Variants in DOCK5 observed in about 807,000 individuals in gnomAD.
DOCK5 encodes the protein dedicator of cytokinesis 5, also known as dedicator of cytokinesis protein 5.
DOCK5 carries 142 observed loss-of-function variants against 251.8 expected under a neutral mutation model. That is an observed-to-expected ratio of 0.56 (90% CI 0.49 to 0.65). The LOEUF (loss-of-function observed/expected upper bound fraction) is 0.65, where lower values mean the gene tolerates loss of function less well. DOCK5 is among the 30% of genes least tolerant of loss of function. The pLI, the probability that DOCK5 is intolerant of heterozygous loss-of-function variation, is 0.00. For missense variants in DOCK5, 2,111 were observed against 2,312.3 expected (o/e 0.91, Z 1.79); for synonymous variants, 842 against 835.5 (o/e 1.01, Z -0.13).
chr8:25,304,246 T>G lies in DOCK5; in HGVS notation c.977-9T>G. On this transcript the variant is annotated splice_polypyrimidine_tract_variant and intron_variant, in intron 10 of 51. Coordinates refer to ENST00000276440, the MANE Select transcript of DOCK5 (RefSeq NM_024940.8). ...TTAGTTTCTTTAATGAAGTTTATCT[T>G]TTTCCTAGTGATGGATATTACTGAT... The G allele has an allele frequency of 6.3e-7, 1 of 1,591,866 alleles. No individual in the cohort carries two copies.
intron 2 of DOCK5, among the ~76,000 whole-genome samples, chr8:25,264,679 A>G (rs1803690105): frequency 6.6e-6 from 1 of 151,472 alleles, no homozygotes; most frequent in Non-Finnish European, 1.5e-5. Flanking sequence ...TACAAAAAAT[A>G]AGCTAGGCAT....
At chr8:25,306,887 A>G (rs888143126) in intron 11 of DOCK5, among the ~76,000 whole-genome samples, 1 of 152,150 alleles carries the variant, frequency 6.6e-6, no homozygotes, top group Non-Finnish European at 1.5e-5. Context: ...GTGTACTTAC[A>G]CAAACCCGGA....
chr8:25,306,509 A>G (rs1164813809), intron 11 of DOCK5, among the ~76,000 whole-genome samples: 2 of 152,098 alleles, frequency 1.3e-5, no homozygotes, highest in Non-Finnish European at 2.9e-5. Context: ...GATCGAGACC[A>G]CGGTGAAACC....
At position 25,213,176 on chromosome 8, in the gene DOCK5, C is replaced by T. The variant is rs184809694; in HGVS notation, c.43+28225C>T. 3.7e-3 allele frequency among the ~76,000 whole-genome samples: 557 copies of T among 151,850 alleles called. 16 individuals carry two copies. The highest frequency in any genetic ancestry group is 6.7e-3 in the Admixed American group (102 of 15,206). ...CTAATCAAGAGAGAAGTTTCCTGTG[C>T]GTCAGGCCCAGACCTAGGAAACGGG... On this transcript the variant is annotated intron_variant, in intron 1 of 51. Coordinates refer to ENST00000276440, the MANE Select transcript of DOCK5 (RefSeq NM_024940.8).
At chr8:25,409,352 C>G (rs1296740718) in intron 50 of DOCK5, 2 of 203,722 alleles carry the variant, frequency 9.8e-6, no homozygotes, top group Non-Finnish European at 2.0e-5. Flanking sequence ...TGCAAAGTAC[C>G]CATAGTCCAG....
chr8:25,381,802 G>A (rs1446708129), intron 39 of DOCK5, among the ~76,000 whole-genome samples: 1 of 152,040 alleles, frequency 6.6e-6, no homozygotes, highest in Non-Finnish European at 1.5e-5. Context: ...AGCTGTCCAC[G>A]TCTGGCTGGC....
At position 25,184,964 on chromosome 8, in the gene DOCK5, C is replaced by T. The variant is rs760913702; in HGVS notation, c.43+13C>T. The T allele has an allele frequency of 5.0e-6, 7 of 1,388,692 alleles. No individual in the cohort carries two copies. Among genetic ancestry groups the T allele is most frequent in the Non-Finnish European group, 5.7e-6 (6 of 1,060,490 alleles). 86.0% of individuals were successfully genotyped at this position (1,388,692 alleles called of 1,614,324 possible). ...AAGTACGGGGTTGGTGAGTGCGCGC[C>T]CCACCTTGTCCCGGCCCGACCCACG... On this transcript the variant is annotated intron_variant, in intron 1 of 51. Coordinates refer to ENST00000276440, the MANE Select transcript of DOCK5 (RefSeq NM_024940.8).
At chr8:25,410,044 T>G in intron 50 of DOCK5, 55 bp from the exon 51 acceptor site, 2,146 of 1,424,844 alleles carry the variant, frequency 1.5e-3, no homozygotes, top group Non-Finnish European at 1.9e-3. Flanking sequence ...AACATTTCCA[T>G]GAGCTTCCTT....
intron 1 of DOCK5, among the ~76,000 whole-genome samples, chr8:25,222,156 A>C (rs1470482406): frequency 6.6e-6 from 1 of 152,158 alleles, no homozygotes; most frequent in Non-Finnish European, 1.5e-5. Flanking sequence ...CTGCACTGTT[A>C]TTAGATAGAA....
At chr8:25,286,460 C>T (rs1804335469) in intron 5 of DOCK5, among the ~76,000 whole-genome samples, 1 of 152,090 alleles carries the variant, frequency 6.6e-6, no homozygotes, top group South Asian at 2.1e-4. Flanking sequence ...ATGCCCGAAG[C>T]CACATAGCAA....
Position 25,332,640 on chromosome 8 carries a change from T to C in DOCK5, c.2039T>C (p.Met680Thr). 1 of 1,612,700 alleles carries C rather than the reference T, an allele frequency of 6.2e-7. No individual in the cohort carries two copies. Among genetic ancestry groups the C allele is most frequent in the Non-Finnish European group, 8.5e-7 (1 of 1,179,448 alleles). Residue 680 changes from methionine (M) to threonine (T), a missense_variant, in exon 20 of 52, where the codon ATG becomes ACG. Physicochemically the swap from Met to Thr is moderately conservative, Grantham distance 81. Around this residue, in one of 3 missense-constraint regions of DOCK5, gnomAD observed 1,717 missense variants for 1,892.4 expected, o/e 0.91. Coordinates refer to ENST00000276440, the MANE Select transcript of DOCK5 (RefSeq NM_024940.8). ...QDTLDALFNI[M>T]MEMSDSETYD... The stretch of plus-strand genomic sequence containing the variant: ...ACACTAGATGCACTCTTTAACATAA[T>C]GATGGAAATGTCAGACAGTGAAACC...
At chr8:25,364,766 A>G in intron 30 of DOCK5, 62 bp downstream of exon 30, 1 of 1,199,342 alleles carries the variant, frequency 8.3e-7, no homozygotes. Context: ...GAACTATATG[A>G]ATTTGGAAAA....
intron 10 of DOCK5, 26 bp downstream of exon 10, chr8:25,302,480 G>A: frequency 6.5e-7 from 1 of 1,527,500 alleles, no homozygotes; most frequent in Non-Finnish European, 8.8e-7. Flanking sequence ...AGAGACAAAT[G>A]TGAAATAGTG....
intron 1 of DOCK5, among the ~76,000 whole-genome samples, chr8:25,236,691 C>A (rs1802805897): frequency 6.6e-6 from 1 of 152,130 alleles, no homozygotes; most frequent in Non-Finnish European, 1.5e-5. Context: ...AGCGATTCTC[C>A]TGCCTCAGCC....
intron 2 of DOCK5, among the ~76,000 whole-genome samples, chr8:25,245,000 C>T (rs1803061358): frequency 6.6e-6 from 1 of 152,328 alleles, no homozygotes; most frequent in South Asian, 2.1e-4. Context: ...AGGGCAGTCG[C>T]CTTATCTTTT....
intron 10 of DOCK5, among the ~76,000 whole-genome samples, chr8:25,303,896 G>T (rs1012591910): frequency 6.6e-6 from 1 of 152,158 alleles, no homozygotes; most frequent in African/African-American, 2.4e-5. Flanking sequence ...AACAGGGGAG[G>T]TGGAGGTTGC....
intron 16 of DOCK5, among the ~76,000 whole-genome samples, chr8:25,321,895 A>G (rs1317119137): frequency 1.3e-5 from 2 of 152,286 alleles, no homozygotes; most frequent in East Asian, 1.9e-4. Flanking sequence ...GACGTTCACA[A>G]TGCGTGTTGC....
chr8:25,277,692 G>T (rs1804081169), intron 4 of DOCK5, among the ~76,000 whole-genome samples: 1 of 152,198 alleles, frequency 6.6e-6, no homozygotes, highest in Non-Finnish European at 1.5e-5. Context: ...CGTAGGTGGG[G>T]AGGCACATTC....
At chr8:25,313,951 CTCTT>C (rs71214560) in intron 13 of DOCK5, among the ~76,000 whole-genome samples, 130,327 of 151,622 alleles carry the variant, frequency 0.86, 56,205 homozygotes, top group Middle Eastern at 0.95. Flanking sequence ...CAGAACAGCC[CTCTT>C]TCTGTCTCAC....
Sources: allele counts gnomAD v4.1 joint callset (sites outside exome capture counted in the v4.1 genomes callset), GRCh38; gene constraint gnomAD v4.1.1; regional missense constraint gnomAD v4.1.1; transcripts MANE v1.5; gene names NCBI Gene and HGNC (gene_info 2026-07-23, HGNC 2026-07-21).